Variants in HERC4 observed in about 807,000 individuals in gnomAD.
HERC4 encodes HECT and RLD domain containing E3 ubiquitin protein ligase 4.
A neutral mutation model predicts 124.3 loss-of-function variants in HERC4; 28 were observed. The ratio of observed to expected loss-of-function variants is 0.23; its 90% confidence interval spans 0.17 to 0.31. The LOEUF (loss-of-function observed/expected upper bound fraction) is 0.31, where lower values mean the gene tolerates loss of function less well. Among genes scored for constraint, HERC4 ranks in the 10% least tolerant of loss-of-function variants. The pLI is 1.00. For missense variants in HERC4, 713 were observed against 1,229.3 expected, an observed-to-expected ratio of 0.58 and a Z score of 6.28; for synonymous variants, 407 against 421.5, an observed-to-expected ratio of 0.97 and a Z score of 0.42.
At chr10:68,048,112 T>A (rs1241047969) in intron 3 of HERC4, among the ~76,000 whole-genome samples, 1 of 151,876 alleles carries the variant, frequency 6.6e-6, no homozygotes. Flanking sequence ...AGCAACAGGG[T>A]CTCACTATGT....
At chr10:68,022,530 A>AATAG (rs1337654483) in intron 8 of HERC4, among the ~76,000 whole-genome samples, 4 of 151,036 alleles carry the variant, frequency 2.6e-5, no homozygotes, top group Admixed American at 6.6e-5. Context: ...TAAATAAATA[A>AATAG]ATAAATAAAT....
At chr10:68,031,768 T>A (rs117775182) in intron 7 of HERC4, among the ~76,000 whole-genome samples, 14,202 of 152,234 alleles carry the variant, frequency 0.093, 890 homozygotes, top group Middle Eastern at 0.18. Flanking sequence ...CTCTTTTTTT[T>A]TGAAACGAGG....
chr10:68,002,758 C>T (rs1231441599), intron 9 of HERC4, among the ~76,000 whole-genome samples: 2 of 151,786 alleles, frequency 1.3e-5, no homozygotes, highest in Non-Finnish European at 2.9e-5. Flanking sequence ...GCCACCACAC[C>T]CAGCTAATTT....
intron 8 of HERC4, among the ~76,000 whole-genome samples, chr10:68,015,753 A>C (rs1442796083): frequency 1.3e-5 from 2 of 152,172 alleles, no homozygotes; most frequent in Non-Finnish European, 2.9e-5. Flanking sequence ...CTAATAAAGC[A>C]CTGGTTCTTA....
At chr10:67,974,234 T>C (rs1347433012) in intron 15 of HERC4, among the ~76,000 whole-genome samples, 1 of 151,762 alleles carries the variant, frequency 6.6e-6, no homozygotes, top group African/African-American at 2.4e-5. Context: ...TCATTTTCCT[T>C]AAAGGAGACA....
chr10:68,025,482 C>CA lies in HERC4; in HGVS notation c.908+63dup, dbSNP rs572376547. The CA allele has an allele frequency of 4.5e-4, 666 of 1,493,596 alleles. 1 individual carries two copies. The African/African-American group carries it at 8.6e-3, about 19-fold the overall frequency. 92.5% of individuals were successfully genotyped at this position (1,493,596 alleles called of 1,614,324 possible). A position where few individuals can be genotyped will look rare whatever the true frequency, so the allele number is the denominator to read the frequency against. ...GATTATTAGGATCTCTGAAACAATT[C>CA]AATAAGCAATCCCTAAACAACTGCA... On this transcript the variant is annotated intron_variant, in intron 8 of 24. Coordinates refer to ENST00000373700, the MANE Select transcript of HERC4 (RefSeq NM_015601.4).
chr10:68,015,161 T>A (rs1306363610), intron 8 of HERC4, among the ~76,000 whole-genome samples: 1 of 151,204 alleles, frequency 6.6e-6, no homozygotes, highest in East Asian at 2.0e-4. Flanking sequence ...GCCTCACAAG[T>A]GGCTTTATAC....
chr10:68,003,605 G>A lies in HERC4; in HGVS notation c.1069+10421C>T, dbSNP rs538554796. Among the ~76,000 whole-genome samples the A allele has an allele frequency of 3.9e-5, 6 of 152,182 alleles. No homozygotes were observed. In the East Asian group the frequency reaches 7.7e-4, roughly 20 times the overall value. ...CAATTTCTAGCTTCCACCAACAAGT[G>A]AGAACATGTGACTGTCTTTCTGTGC... On this transcript the variant is annotated intron_variant, in intron 9 of 24. Transcript: ENST00000373700.
chr10:67,972,135 A>G (rs2035272192), intron 15 of HERC4, among the ~76,000 whole-genome samples: 1 of 150,018 alleles, frequency 6.7e-6, no homozygotes, highest in African/African-American at 2.5e-5. Flanking sequence ...AATCATTTGA[A>G]CCTGGGAGGC....
At chr10:68,013,551 A>G (rs1217448019) in intron 9 of HERC4, among the ~76,000 whole-genome samples, 1 of 152,230 alleles carries the variant, frequency 6.6e-6, no homozygotes, top group Non-Finnish European at 1.5e-5. Context: ...ATAAAGACAT[A>G]AAGTAGAATA....
chr10:67,929,699 G>C (rs2031565307), intron 23 of HERC4, among the ~76,000 whole-genome samples: 1 of 151,910 alleles, frequency 6.6e-6, no homozygotes, highest in South Asian at 2.1e-4. Context: ...ATTTTTTGTA[G>C]AGACAGGGTT....
chr10:68,073,913 C>A (rs2041686084), intron 1 of HERC4: 1 of 151,446 alleles, frequency 6.6e-6, no homozygotes, highest in Non-Finnish European at 1.5e-5. Context: ...GAAAAAAAAA[C>A]ATGCAATTTA....
intron 3 of HERC4, among the ~76,000 whole-genome samples, chr10:68,054,887 A>T (rs1425584057): frequency 1.3e-5 from 2 of 152,094 alleles, no homozygotes; most frequent in Non-Finnish European, 2.9e-5. Flanking sequence ...AAGTGCAACT[A>T]TTGTTTACTA....
At chr10:68,000,025 C>A (rs548952558) in intron 9 of HERC4, among the ~76,000 whole-genome samples, 2 of 151,996 alleles carry the variant, frequency 1.3e-5, no homozygotes, top group East Asian at 3.9e-4. Flanking sequence ...TGACAAGTCA[C>A]TTTTTTTTCT....
chr10:68,020,505 G>A (rs1231370287), intron 8 of HERC4, among the ~76,000 whole-genome samples: 5 of 152,034 alleles, frequency 3.3e-5, no homozygotes, highest in South Asian at 2.1e-4. Flanking sequence ...GGTGGCTCAC[G>A]CCTGTAATCC....
At chr10:68,063,862 C>T (rs1471057012) in intron 3 of HERC4, among the ~76,000 whole-genome samples, 1 of 152,128 alleles carries the variant, frequency 6.6e-6, no homozygotes, top group African/African-American at 2.4e-5. Flanking sequence ...TCACTTGAAC[C>T]TGGGAGGTGG....
chr10:67,984,147 C>T (rs574103133), intron 15 of HERC4, among the ~76,000 whole-genome samples: 7 of 150,972 alleles, frequency 4.6e-5, no homozygotes, highest in Admixed American at 3.9e-4. Flanking sequence ...ACTAAAAATA[C>T]AAAAAATTAG....
At chr10:68,004,027 C>A (rs515489) in intron 9 of HERC4, among the ~76,000 whole-genome samples, 1 of 149,938 alleles carries the variant, frequency 6.7e-6, no homozygotes, top group Non-Finnish European at 1.5e-5. Context: ...TGCCCTCTTT[C>A]AGATAAAAGC....
rs1385208499 is a variant in HERC4 at position 68,059,730 on chromosome 10, TATC to T, written c.226+13150_226+13152del. Among the ~76,000 whole-genome samples, 9 of 57,896 alleles carry T rather than the reference TATC, an allele frequency of 1.6e-4. 4 individuals are homozygous for T. The highest frequency in any genetic ancestry group is 2.1e-4 in the Non-Finnish European group (9 of 42,656). The allele number at this position is 57,896 out of a possible 152,430, so 38.0% of individuals were successfully genotyped here. A position where few individuals can be genotyped will look rare whatever the true frequency, so the allele number is the denominator to read the frequency against. ...ATATATCATAATATTATATATTATA[TATC>T]ATAATATTATATATTATAATATTAT... On this transcript the variant is annotated intron_variant, in intron 3 of 24. Coordinates refer to ENST00000373700, the MANE Select transcript of HERC4 (RefSeq NM_015601.4).
Sources: gnomAD v4.1 joint callset for allele counts (sites outside exome capture counted in the v4.1 genomes callset) on GRCh38, gnomAD v4.1.1 for gene constraint, MANE v1.5 for transcripts, NCBI Gene and HGNC (gene_info 2026-07-23, HGNC 2026-07-21) for gene names.